Variants in KCNQ5 observed in about 807,000 individuals in gnomAD.
The protein encoded by KCNQ5 is potassium voltage-gated channel subfamily KQT member 5.
KCNQ5 carries 30 observed loss-of-function variants against 98.2 expected under a neutral mutation model. The ratio of observed to expected loss-of-function variants is 0.31; its 90% CI spans 0.23 to 0.41. KCNQ5 has a LOEUF of 0.41. Among genes scored for constraint, KCNQ5 ranks in the 10% least tolerant of loss-of-function variants. The probability of loss-of-function intolerance (pLI) is 1.00; values close to 1 mark genes in which losing one functional copy is unlikely to be tolerated. For missense variants in KCNQ5, 835 were observed against 1,182.5 expected (o/e 0.71, Z 4.31); for synonymous variants, 458 against 449.4 (o/e 1.02, Z -0.24).
intron 13 of KCNQ5, among the ~76,000 whole-genome samples, chr6:73,193,747 A>G (rs1562228979): frequency 6.6e-6 from 1 of 151,858 alleles, no homozygotes; most frequent in Non-Finnish European, 1.5e-5. Context: ...GTTTCATTAT[A>G]GAATAAGTTC....
Position 72,622,427 on chromosome 6 carries a change from C to A in KCNQ5, c.238C>A (p.Arg80=), listed in dbSNP as rs750955277. 24 of 1,543,356 alleles carry A rather than the reference C, an allele frequency of 1.6e-5. No homozygotes were observed. The highest frequency in any genetic ancestry group is 2.1e-5 in the Non-Finnish European group (24 of 1,144,432). The part of the protein sequence containing the change: ...GGGGGLRESR[R]GKQGARMSLL... The stretch of plus-strand genomic sequence containing the variant: ...CGGCGGTGGCCTGAGGGAGAGCCGC[C>A]GGGGCAAGCAGGGGGCCCGGATGAG... The change falls in exon 1 of 14, where the codon CGG becomes AGG. Residue 80 remains arginine (R), a synonymous_variant. Transcript: ENST00000370398. The surrounding 1 kb of genome is among the most constrained non-coding windows in gnomAD (Gnocchi z 6.0).
At chr6:73,009,801 C>T (rs73533926) in intron 2 of KCNQ5, among the ~76,000 whole-genome samples, 8,019 of 152,098 alleles carry the variant, frequency 0.053, 720 homozygotes, top group African/African-American at 0.18. Context: ...CGTGAAAACA[C>T]AAAACCTACC....
intron 5 of KCNQ5, among the ~76,000 whole-genome samples, chr6:73,102,657 T>C (rs1420637012): frequency 3.3e-5 from 5 of 152,150 alleles, no homozygotes; most frequent in Non-Finnish European, 7.3e-5. Context: ...ATATAATTAA[T>C]CATCAGAGAT....
intron 1 of KCNQ5, among the ~76,000 whole-genome samples, chr6:72,929,949 C>A (rs1414532406): frequency 2.0e-5 from 3 of 152,044 alleles, no homozygotes; most frequent in Non-Finnish European, 4.4e-5. Context: ...TTTAACTTTT[C>A]TTTATTCCAT....
chr6:72,661,394 T>C (rs1413083563), intron 1 of KCNQ5, among the ~76,000 whole-genome samples: 2 of 152,104 alleles, frequency 1.3e-5, no homozygotes, highest in African/African-American at 2.4e-5. Flanking sequence ...TTCACAATTA[T>C]ACAATTAATA....
chr6:72,958,051 G>A (rs866951828), intron 1 of KCNQ5, among the ~76,000 whole-genome samples: 31 of 152,128 alleles, frequency 2.0e-4, no homozygotes, highest in Middle Eastern at 3.2e-3. Context: ...AATATAGTGG[G>A]TGCCTGGCAC....
At chr6:72,734,542 G>A (rs1029599881) in intron 1 of KCNQ5, among the ~76,000 whole-genome samples, 2 of 152,172 alleles carry the variant, frequency 1.3e-5, no homozygotes, top group East Asian at 3.9e-4. Flanking sequence ...TTTAAATGTA[G>A]CATTGAAGTT....
chr6:72,706,112 T>G (rs1019897372), intron 1 of KCNQ5, among the ~76,000 whole-genome samples: 2 of 152,044 alleles, frequency 1.3e-5, no homozygotes, highest in African/African-American at 4.8e-5. Flanking sequence ...AAAAATGAAA[T>G]TTGGTTAAAA....
intron 1 of KCNQ5, among the ~76,000 whole-genome samples, chr6:72,924,317 GA>G (rs1780531077): frequency 6.6e-6 from 1 of 152,144 alleles, no homozygotes; most frequent in Non-Finnish European, 1.5e-5. Context: ...AGGAAACTAG[GA>G]AGCAGAAATA....
chr6:72,730,273 A>G (rs1223374438), intron 1 of KCNQ5, among the ~76,000 whole-genome samples: 1 of 152,136 alleles, frequency 6.6e-6, no homozygotes, highest in Non-Finnish European at 1.5e-5. Flanking sequence ...TATTTTTTGT[A>G]TTATTGACTT....
intron 1 of KCNQ5, among the ~76,000 whole-genome samples, chr6:72,628,092 G>T (rs536018388): frequency 7.2e-5 from 11 of 152,208 alleles, no homozygotes; most frequent in African/African-American, 2.7e-4. Context: ...TAAATATTAA[G>T]TGCCTAACAA....
chr6:72,916,771 A>AC (rs869231213), intron 1 of KCNQ5, among the ~76,000 whole-genome samples: 34 of 151,606 alleles, frequency 2.2e-4, no homozygotes, highest in African/African-American at 3.9e-4. Context: ...GATTTTATAT[A>AC]CCCCCCCAAA....
chr6:72,872,029 T>A (rs368678939), intron 1 of KCNQ5, among the ~76,000 whole-genome samples: 16 of 152,098 alleles, frequency 1.1e-4, no homozygotes, highest in Admixed American at 3.9e-4. Flanking sequence ...TAAACAAACC[T>A]AGGTGTCCAG....
chr6:72,808,774 C>T (rs934490211), intron 1 of KCNQ5, among the ~76,000 whole-genome samples: 2 of 151,938 alleles, frequency 1.3e-5, no homozygotes, highest in Non-Finnish European at 2.9e-5. Context: ...TAGTGAAACC[C>T]AGTCTCTACT....
chr6:72,907,804 C>T (rs1581996118), intron 1 of KCNQ5, among the ~76,000 whole-genome samples: 1 of 152,072 alleles, frequency 6.6e-6, no homozygotes, highest in African/African-American at 2.4e-5. Context: ...TAAGCAATCC[C>T]ACTAAAGACT....
At chr6:73,086,811 C>A (rs1482539838) in intron 5 of KCNQ5, among the ~76,000 whole-genome samples, 1 of 152,134 alleles carries the variant, frequency 6.6e-6, no homozygotes, top group African/African-American at 2.4e-5. Flanking sequence ...AGAGTCTCTA[C>A]TGAAGATAGG....
At chr6:73,069,603 A>AT in intron 3 of KCNQ5, among the ~76,000 whole-genome samples, 1 of 152,092 alleles carries the variant, frequency 6.6e-6, no homozygotes, top group Non-Finnish European at 1.5e-5. Context: ...ACAGACTACT[A>AT]GTATAATCAT....
intron 1 of KCNQ5, among the ~76,000 whole-genome samples, chr6:72,668,038 A>G (rs561343848): frequency 6.6e-6 from 1 of 152,304 alleles, no homozygotes; most frequent in African/African-American, 2.4e-5. Context: ...TGAAATTCAA[A>G]TAAAATTTGT....
At chr6:72,632,459 T>TA (rs1267814109) in intron 1 of KCNQ5, among the ~76,000 whole-genome samples, 1 of 152,122 alleles carries the variant, frequency 6.6e-6, no homozygotes, top group Non-Finnish European at 1.5e-5. Flanking sequence ...TTTCTTTTTT[T>TA]AAAAAATCAA....
Sources: allele counts gnomAD v4.1 joint callset (sites outside exome capture counted in the v4.1 genomes callset), GRCh38; gene constraint gnomAD v4.1.1; non-coding constraint Gnocchi (gnomAD v3.1); transcripts MANE v1.5; gene names NCBI Gene and HGNC (gene_info 2026-07-23, HGNC 2026-07-21).